Variants in KIAA1755 observed in about 807,000 individuals in gnomAD.
The protein encoded by KIAA1755 is uncharacterized protein KIAA1755.
Under a neutral mutation model 91.7 loss-of-function variants are expected in KIAA1755, and 68 were observed. The ratio of observed to expected loss-of-function variants is 0.74; its 90% CI spans 0.61 to 0.91. The LOEUF is 0.91. KIAA1755 is among the 40% of genes least tolerant of loss of function. The pLI is 0.00. For synonymous variants in KIAA1755, 610 were observed against 604.6 expected (o/e 1.01, Z -0.13); for missense variants, 1,535 against 1,494.4 (o/e 1.03, Z -0.45).
intron 1 of KIAA1755, 185 bp downstream of exon 1, chr20:38,260,313 A>G (rs1477374167): frequency 6.4e-7 from 1 of 1,553,136 alleles, no homozygotes; most frequent in Non-Finnish European, 8.7e-7. Context: ...GGACGCGGCC[A>G]GAGATGGGCT....
At chr20:38,253,146 G>A (rs896027002) in intron 1 of KIAA1755, among the ~76,000 whole-genome samples, 2 of 152,184 alleles carry the variant, frequency 1.3e-5, no homozygotes, top group Non-Finnish European at 2.9e-5. Context: ...ACGAGCCACA[G>A]CCCCCTCCCC....
In KIAA1755 at chr20:38,260,597, G is replaced by C. The variant is rs1016117245; in HGVS notation, c.-97C>G. ...TCTGTCTGGGGCAGCCCTCGGTCCC[G>C]CCTAGCCCTGGAGCCAGGGGATAGG... On this transcript the variant is annotated 5_prime_UTR_variant, in exon 1 of 14. Transcript: ENST00000279024. The C allele has an allele frequency of 1.4e-6, 2 of 1,426,188 alleles. No homozygotes were observed. Among genetic ancestry groups the C allele is most frequent in the Non-Finnish European group, 1.8e-6 (2 of 1,086,296 alleles). 88.3% of individuals were successfully genotyped at this position (1,426,188 alleles called of 1,614,324 possible). A position where few individuals can be genotyped will look rare whatever the true frequency, so the allele number is the denominator to read the frequency against.
chr20:38,217,113 G>T (rs553014285), intron 13 of KIAA1755, 140 bp downstream of exon 13: 1 of 705,154 alleles, frequency 1.4e-6, no homozygotes, highest in South Asian at 1.7e-5. Flanking sequence ...GGGTGGGGGG[G>T]GGCTGTGTCT....
At chr20:38,249,337 G>A (rs1450858705) in intron 1 of KIAA1755, among the ~76,000 whole-genome samples, 1 of 152,198 alleles carries the variant, frequency 6.6e-6, no homozygotes, top group African/African-American at 2.4e-5. Context: ...GGGGGGCAAA[G>A]GGAGATGAGA....
At chr20:38,249,634 C>T (rs1046769799) in intron 1 of KIAA1755, among the ~76,000 whole-genome samples, 27 of 150,896 alleles carry the variant, frequency 1.8e-4, no homozygotes, top group African/African-American at 4.8e-4. Context: ...AAACAGGGTC[C>T]GGGCACTGCC....
rs779318544 is a variant in KIAA1755, at chr20:38,213,105, C to T, written c.3540G>A (p.Glu1180=). Residue 1180 remains glutamate (E), a synonymous_variant, in exon 14 of 14, where the codon GAG becomes GAA. Transcript: ENST00000279024. ...PRLTGGSFSS[E]GTDSQTSLED... is the part of the protein sequence containing the mutation. ...CAAGGGATGTCTGTGAGTCTGTCCC[C>T]TCTGAGGAGAAGCTGCCCCCAGTGA... is the stretch of plus-strand genomic sequence containing the variant. 4 of 1,600,906 alleles carry T rather than the reference C, an allele frequency of 2.5e-6. No individual in the cohort carries two copies. In the South Asian group the frequency reaches 4.5e-5, roughly 18 times the overall value.
At chr20:38,256,039 G>A (rs2076334301) in intron 1 of KIAA1755, among the ~76,000 whole-genome samples, 3 of 152,112 alleles carry the variant, frequency 2.0e-5, no homozygotes, top group African/African-American at 7.2e-5. Flanking sequence ...TAATTCTATG[G>A]GCTGGGTATT....
At chr20:38,242,285 T>C (rs1369459118) in intron 2 of KIAA1755, among the ~76,000 whole-genome samples, 1 of 152,226 alleles carries the variant, frequency 6.6e-6, no homozygotes, top group Non-Finnish European at 1.5e-5. Flanking sequence ...CCCTCCATTT[T>C]AAAGCCAGGG....
At chr20:38,228,908 C>G (rs2075809180) in intron 5 of KIAA1755, among the ~76,000 whole-genome samples, 1 of 152,168 alleles carries the variant, frequency 6.6e-6, no homozygotes, top group Non-Finnish European at 1.5e-5. Flanking sequence ...TTGCACTGAG[C>G]TTACAGTGGG....
rs781203016 is a variant in KIAA1755, at chr20:38,241,414, C to T, written c.717G>A (p.Arg239=). The T allele has an allele frequency of 9.9e-6, 16 of 1,614,230 alleles. No individual in the cohort carries two copies. In the Middle Eastern group the frequency reaches 6.6e-4, roughly 67 times the overall value. The change falls in exon 3 of 14, where the codon AGG becomes AGA. Residue 239 remains arginine, a synonymous_variant. Transcript: ENST00000279024. ...GTCCTGGATACTTGCTCCCATATGT[C>T]CTGCCCTTACCCTTGGCCAAACTCT... ...PAQSLAKGKG[R]TYGSKYPGLI... is the part of the protein sequence containing the mutation.
At chr20:38,260,278 A>G (rs1197904231) in intron 1 of KIAA1755, 2 of 1,545,112 alleles carry the variant, frequency 1.3e-6, no homozygotes, top group Non-Finnish European at 1.7e-6. Flanking sequence ...CTCCATCCAT[A>G]CACACACATG....
Position 38,241,022 on chromosome 20 carries a change from T to G in KIAA1755, c.1109A>C (p.Gln370Pro), listed in dbSNP as rs541622158. 1.5e-5 allele frequency: 25 copies of G among 1,614,176 alleles called. No homozygotes were observed. The South Asian group carries it at 2.3e-4, about 15-fold the overall frequency. The change falls in exon 3 of 14, where the codon CAA becomes CCA. Residue 370 changes from glutamine (Q) to proline (P), a missense_variant. By Grantham distance (76) the Gln-to-Pro change is moderately conservative. Transcript: ENST00000279024. ...APTHNSERPPQGSYMNVLEDA... is the reference protein window; with the variant it reads ...APTHNSERPPPGSYMNVLEDA... Reference sequence around the variant, plus strand: ...CTCAAGGACATTCATGTAGGAGCCTTGGGGCGGCCTTTCTGAGTTGTGGGT... The same window carrying G: ...CTCAAGGACATTCATGTAGGAGCCTGGGGGCGGCCTTTCTGAGTTGTGGGT...
intron 4 of KIAA1755, 21 bp downstream of exon 4, chr20:38,239,507 C>T: frequency 6.2e-7 from 1 of 1,612,296 alleles, no homozygotes; most frequent in Non-Finnish European, 8.5e-7. Context: ...CCTACCACCT[C>T]CTGCTTGAAT....
At chr20:38,253,814 G>T (rs3994) in intron 1 of KIAA1755, among the ~76,000 whole-genome samples, 19,792 of 152,224 alleles carry the variant, frequency 0.13, 1,629 homozygotes, top group South Asian at 0.24. Flanking sequence ...TGTTTTTAAG[G>T]CTGGTTCCCT....
chr20:38,228,947 TC>T (rs1266395738), intron 5 of KIAA1755, among the ~76,000 whole-genome samples: 1 of 152,318 alleles, frequency 6.6e-6, no homozygotes, highest in East Asian at 1.9e-4. Context: ...CTTAGGATTT[TC>T]CAAACTGGCA....
chr20:38,243,188 G>C (rs780791331), intron 2 of KIAA1755, among the ~76,000 whole-genome samples: 6 of 152,258 alleles, frequency 3.9e-5, no homozygotes, highest in Non-Finnish European at 8.8e-5. Flanking sequence ...GTGTGTAGGG[G>C]AGATGTACAG....
Position 38,213,066 on chromosome 20 carries a change from C to T in KIAA1755, c.3579G>A (p.Gln1193=). 6.4e-7 allele frequency: 1 copy of T among 1,558,854 alleles called. No individual in the cohort carries two copies. Among genetic ancestry groups the T allele is most frequent in the East Asian group, 2.3e-5 (1 of 44,376 alleles). ...DSQTSLEDSP[Q]TSPLASL is the part of the protein sequence containing the mutation. ...GCTAGAGGGAGGCAAGGGGACTTGT[C>T]TGGGGTGAGTCCTCAAGGGATGTCT... Residue 1193 remains glutamine, a synonymous_variant, in exon 14 of 14, where the codon CAG becomes CAA. Coordinates refer to ENST00000279024, the MANE Select transcript of KIAA1755 (RefSeq NM_001029864.2).
intron 2 of KIAA1755, 131 bp downstream of exon 2, chr20:38,245,798 G>A (rs1329698372): frequency 2.6e-6 from 2 of 773,084 alleles, no homozygotes; most frequent in African/African-American, 1.7e-5. Context: ...ATGATACTTG[G>A]AAAGTCCCCC....
Position 38,213,678 on chromosome 20 carries a change from C to A in KIAA1755, c.2967G>T (p.Arg989Ser). Residue 989 changes from arginine (R) to serine (S), a missense_variant, in exon 14 of 14, where the codon AGG (arginine) becomes AGT (serine). Transcript: ENST00000279024. ...MAQLRLDKTS[R>S]VSPGDQRRLH... ...GGCGGCGCTGGTCCCCAGGACTGAC[C>A]CTTGAGGTCTTGTCCAGCCTGAGCT... 2 of 1,579,668 alleles carry A rather than the reference C, an allele frequency of 1.3e-6. No individual in the cohort carries two copies. Among genetic ancestry groups the A allele is most frequent in the South Asian group, 1.2e-5 (1 of 86,564 alleles).
Sources: allele counts gnomAD v4.1 joint callset (sites outside exome capture counted in the v4.1 genomes callset), GRCh38; gene constraint gnomAD v4.1.1; transcripts MANE v1.5; gene names NCBI Gene and HGNC (gene_info 2026-07-23, HGNC 2026-07-21).